Variants in SNX30 observed in about 807,000 individuals in gnomAD.
SNX30 encodes sorting nexin family member 30.
In SNX30, 24 loss-of-function variants were observed where a neutral mutation model predicts 46.4. The observed-to-expected ratio is 0.52, with a 90% CI of 0.37 to 0.73. The LOEUF (loss-of-function observed/expected upper bound fraction) is 0.73. Ranked by LOEUF, SNX30 falls within the 30% of genes least tolerant of loss-of-function variation. The pLI is 0.00. For synonymous variants in SNX30, 189 were observed against 211.5 expected (o/e 0.89, Z 0.92); for missense variants, 533 against 555.7 (o/e 0.96, Z 0.41).
chr9:112,751,241 GGGCCGCGCCCAC>G, intron 1 of SNX30, 84 bp downstream of exon 1: 1 of 1,286,808 alleles, frequency 7.8e-7, no homozygotes, highest in Non-Finnish European at 9.9e-7. Flanking sequence ...CGTGGGCCTG[GGGCCGCGCCCAC>G]CCTGCCGCCC....
chr9:112,752,946 G>A (rs574485322), intron 1 of SNX30, among the ~76,000 whole-genome samples: 79 of 152,290 alleles, frequency 5.2e-4, no homozygotes, highest in African/African-American at 1.9e-3. Context: ...AGGGCTGTTT[G>A]ATGTGGCAAC....
chr9:112,804,902 G>C lies in SNX30; in HGVS notation c.283G>C (p.Val95Leu), dbSNP rs1448654866. ...TGAGACTAGAGATCTCTTCGTTATA[G>C]TTGATGATCCCAAGAAGCATGTGTG... ...DGETRDLFVI[V>L]DDPKKHVCTM... is the part of the protein sequence containing the mutation. Residue 95 changes from valine (V) to leucine (L), a missense_variant, in exon 2 of 9, where the codon GTT (valine) becomes CTT (leucine). Physicochemically the swap from Val to Leu is conservative, Grantham distance 32. This residue lies in a region of SNX30 where 191 missense variants were observed against 160.3 expected (regional missense o/e 1.19). Transcript: ENST00000374232. 6.2e-7 allele frequency: 1 copy of C among 1,613,794 alleles called. No homozygotes were observed. The highest frequency in any genetic ancestry group is 8.5e-7 in the Non-Finnish European group (1 of 1,179,848).
At chr9:112,770,069 A>G (rs1839621280) in intron 1 of SNX30, among the ~76,000 whole-genome samples, 2 of 152,036 alleles carry the variant, frequency 1.3e-5, no homozygotes. Flanking sequence ...TCCTGCTTCC[A>G]CCTTCCCACC....
chr9:112,756,498 G>C (rs934492184), intron 1 of SNX30, among the ~76,000 whole-genome samples: 1 of 125,712 alleles, frequency 8.0e-6, no homozygotes, highest in African/African-American at 3.1e-5. Context: ...AGGCTGTGGT[G>C]CAATGGCACG....
downstream of SNX30, chr9:112,877,307 A>T (rs62576455): frequency 6.6e-6 from 1 of 152,162 alleles, no homozygotes; most frequent in Non-Finnish European, 1.5e-5. Context: ...AGCACGGTCA[A>T]TGTGGACAAG....
intron 3 of SNX30, among the ~76,000 whole-genome samples, chr9:112,825,964 A>G (rs1320147756): frequency 6.6e-6 from 1 of 152,202 alleles, no homozygotes; most frequent in African/African-American, 2.4e-5. Flanking sequence ...TTCTGCTTGC[A>G]GAAGGATTCT....
chr9:112,839,334 G>A (rs972403737), intron 6 of SNX30, among the ~76,000 whole-genome samples: 1 of 152,206 alleles, frequency 6.6e-6, no homozygotes. Context: ...CCAGCCCAAA[G>A]CATATTATTG....
At chr9:112,858,042 A>C (rs1251729600) in intron 7 of SNX30, among the ~76,000 whole-genome samples, 3 of 152,176 alleles carry the variant, frequency 2.0e-5, no homozygotes, top group African/African-American at 4.8e-5. Flanking sequence ...TGAAAAATGC[A>C]ATTTTGTCAC....
At chr9:112,792,548 C>A (rs1393940278) in intron 1 of SNX30, among the ~76,000 whole-genome samples, 3 of 152,182 alleles carry the variant, frequency 2.0e-5, no homozygotes, top group African/African-American at 7.2e-5. Flanking sequence ...CCTCAGCCTC[C>A]TGAGTAGCTG....
chr9:112,750,805 G>T lies in SNX30; in HGVS notation c.-197G>T, dbSNP rs1394734335. The T allele has an allele frequency of 1.2e-5, 3 of 250,684 alleles. No homozygotes were observed. Among genetic ancestry groups the T allele is most frequent in the Non-Finnish European group, 1.9e-5 (3 of 160,300 alleles). 15.5% of individuals were successfully genotyped at this position (250,684 alleles called of 1,614,324 possible). A position where few individuals can be genotyped will look rare whatever the true frequency, so the allele number is the denominator to read the frequency against. On this transcript the variant is annotated 5_prime_UTR_variant, in exon 1 of 9. Transcript: ENST00000374232. Reference sequence around the variant, plus strand: ...CCCGCGGCGGGCTCGGGCGCGGAGCGGGGGCGCGCGGCGCGGAGCGGAGCG... The same window carrying T: ...CCCGCGGCGGGCTCGGGCGCGGAGCTGGGGCGCGCGGCGCGGAGCGGAGCG...
intron 6 of SNX30, among the ~76,000 whole-genome samples, chr9:112,844,515 G>A (rs1048300613): frequency 6.6e-6 from 1 of 152,126 alleles, no homozygotes; most frequent in African/African-American, 2.4e-5. Context: ...CTGTGGCATG[G>A]TAATATTTAT....
downstream of SNX30, chr9:112,881,776 G>A (rs138651498): frequency 6.6e-6 from 1 of 152,346 alleles, no homozygotes; most frequent in East Asian, 1.9e-4. Context: ...GTGGGCAAGT[G>A]TAATTAAACA....
chr9:112,791,656 G>A (rs780744544), intron 1 of SNX30, among the ~76,000 whole-genome samples: 3 of 151,878 alleles, frequency 2.0e-5, no homozygotes, highest in Non-Finnish European at 2.9e-5. Flanking sequence ...TGATCCACCC[G>A]CCTTGGCCTC....
chr9:112,804,634 A>G (rs1415558150), intron 1 of SNX30, 142 bp from the exon 2 acceptor site: 1 of 636,016 alleles, frequency 1.6e-6, no homozygotes, highest in African/African-American at 1.8e-5. Context: ...CTCAAGAAAC[A>G]CTGAGTAGGG....
chr9:112,788,944 C>T lies in SNX30; in HGVS notation c.157-15832C>T, dbSNP rs1433738809. Among the ~76,000 whole-genome samples the T allele has an allele frequency of 8.5e-5, 13 of 152,116 alleles. No homozygotes were observed. In the East Asian group the frequency reaches 2.1e-3, roughly 25 times the overall value. ...CCCAGTAGATGGGACCACAGGCATG[C>T]GCCACCACGCCCAGCTAATTTTTGT... On this transcript the variant is annotated intron_variant, in intron 1 of 8. Coordinates refer to ENST00000374232, the MANE Select transcript of SNX30 (RefSeq NM_001012994.2).
intron 4 of SNX30, among the ~76,000 whole-genome samples, chr9:112,832,511 A>ATT (rs1554754478): frequency 2.1e-5 from 2 of 94,632 alleles, no homozygotes; most frequent in Non-Finnish European, 4.0e-5. Context: ...AGAGAGAGAG[A>ATT]GGAGATTTAT....
chr9:112,781,307 A>G (rs767468003), intron 1 of SNX30, among the ~76,000 whole-genome samples: 7 of 152,228 alleles, frequency 4.6e-5, no homozygotes, highest in Non-Finnish European at 8.8e-5. Flanking sequence ...CCTTTTAAAT[A>G]CTGATTTTTC....
chr9:112,809,385 GAC>G (rs1254110103), intron 2 of SNX30, among the ~76,000 whole-genome samples: 1 of 152,112 alleles, frequency 6.6e-6, no homozygotes, highest in Admixed American at 6.5e-5. Context: ...TGGCCCAAAA[GAC>G]ATGATTTTCA....
At chr9:112,813,166 A>G (rs1184664327) in intron 2 of SNX30, among the ~76,000 whole-genome samples, 1 of 151,786 alleles carries the variant, frequency 6.6e-6, no homozygotes, top group East Asian at 1.9e-4. Flanking sequence ...ACCCCCCAAA[A>G]CAACAATGTC....
Sources: gnomAD v4.1 joint callset for allele counts (sites outside exome capture counted in the v4.1 genomes callset) on GRCh38, gnomAD v4.1.1 for gene constraint, gnomAD v4.1.1 regional missense constraint, MANE v1.5 for transcripts, NCBI Gene and HGNC (gene_info 2026-07-23, HGNC 2026-07-21) for gene names.